The following CTNNA2 variants were observed in gnomAD, a reference collection of about 807,000 sequenced individuals.
CTNNA2 encodes catenin alpha 2.
A neutral mutation model predicts 101.0 loss-of-function variants in CTNNA2; 42 were observed. The ratio of observed to expected loss-of-function variants is 0.42; its 90% CI spans 0.32 to 0.54. The LOEUF (loss-of-function observed/expected upper bound fraction) is 0.54. Ranked by LOEUF, CTNNA2 falls within the 20% of genes least tolerant of loss-of-function variation. The pLI is 0.14. For synonymous variants in CTNNA2, 450 were observed against 456.4 expected (o/e 0.99, Z 0.18); for missense variants, 871 against 1,223.1 (o/e 0.71, Z 4.29).
At chr2:80,366,710 C>G (rs1401666469) in intron 7 of CTNNA2, among the ~76,000 whole-genome samples, 1 of 152,154 alleles carries the variant, frequency 6.6e-6, no homozygotes, top group Non-Finnish European at 1.5e-5. Flanking sequence ...TGTGTCAAAT[C>G]CCTCAGGCAT....
chr2:80,384,343 A>G (rs771779427), intron 7 of CTNNA2, among the ~76,000 whole-genome samples: 177 of 152,196 alleles, frequency 1.2e-3, no homozygotes, highest in Non-Finnish European at 2.0e-3. Flanking sequence ...GTGACACAAA[A>G]TGTGTCACAC....
intron 16 of CTNNA2, among the ~76,000 whole-genome samples, chr2:80,604,575 C>T (rs1697841476): frequency 6.6e-6 from 1 of 151,962 alleles, no homozygotes. Flanking sequence ...GAGATTCCTA[C>T]CTAATGCCCT....
chr2:80,060,130 A>G (rs1222046428), intron 7 of CTNNA2, among the ~76,000 whole-genome samples: 1 of 152,170 alleles, frequency 6.6e-6, no homozygotes, highest in Non-Finnish European at 1.5e-5. Flanking sequence ...AGCACAGTAT[A>G]TATTTGCTTC....
intron 12 of CTNNA2, 149 bp from the exon 13 acceptor site, chr2:80,574,014 A>G: frequency 1.4e-6 from 1 of 690,444 alleles, no homozygotes; most frequent in Non-Finnish European, 2.5e-6. Context: ...AAAGACTACT[A>G]AATTGGGCTC....
At chr2:80,234,206 A>AT (rs1027958424) in intron 7 of CTNNA2, among the ~76,000 whole-genome samples, 69 of 152,006 alleles carry the variant, frequency 4.5e-4, no homozygotes, top group Non-Finnish European at 8.1e-4. Context: ...TAATTTTTGT[A>AT]TTTTTAGTAG....
At chr2:80,420,567 T>G (rs1367008960) in intron 9 of CTNNA2, among the ~76,000 whole-genome samples, 1 of 151,676 alleles carries the variant, frequency 6.6e-6, no homozygotes, top group Non-Finnish European at 1.5e-5. Context: ...AATAAGTTCT[T>G]TTTTTTTTCA....
chr2:80,498,970 G>T (rs1687668608), intron 9 of CTNNA2, among the ~76,000 whole-genome samples: 1 of 152,064 alleles, frequency 6.6e-6, no homozygotes, highest in African/African-American at 2.4e-5. Flanking sequence ...TAACCCAGAT[G>T]CACTTAAAAT....
chr2:80,385,638 T>C (rs972642088), intron 7 of CTNNA2, among the ~76,000 whole-genome samples: 10 of 152,100 alleles, frequency 6.6e-5, no homozygotes, highest in Non-Finnish European at 1.2e-4. Context: ...TCCTTCTTCT[T>C]CCCTTAAATT....
intron 4 of CTNNA2, among the ~76,000 whole-genome samples, chr2:79,402,644 A>C (rs1437532820): frequency 1.3e-5 from 2 of 151,714 alleles, no homozygotes; most frequent in African/African-American, 4.8e-5. Context: ...TAGGTAACTG[A>C]AACTTCAGAG....
At chr2:79,542,571 G>C (rs1159131553) in intron 1 of CTNNA2, among the ~76,000 whole-genome samples, 2 of 152,118 alleles carry the variant, frequency 1.3e-5, no homozygotes, top group African/African-American at 4.8e-5. Context: ...CAGGTTTAAT[G>C]AGCATTCTGA....
At chr2:80,601,876 A>T (rs2149769756) in intron 15 of CTNNA2, 1 of 152,154 alleles carries the variant, frequency 6.6e-6, no homozygotes. Flanking sequence ...TAATGTATGT[A>T]GTTAAGGCTA....
intron 7 of CTNNA2, among the ~76,000 whole-genome samples, chr2:79,959,399 C>G (rs1278428845): frequency 6.6e-6 from 1 of 152,184 alleles, no homozygotes; most frequent in Non-Finnish European, 1.5e-5. Flanking sequence ...AATTTCATTA[C>G]TTATGACCAT....
chr2:79,739,204 G>T (rs1288304494), intron 2 of CTNNA2, among the ~76,000 whole-genome samples: 1 of 151,880 alleles, frequency 6.6e-6, no homozygotes, highest in Non-Finnish European at 1.5e-5. Flanking sequence ...GAGAATCCCT[G>T]GTTGGGGCAG....
At chr2:79,802,173 C>G (rs111959458) in intron 3 of CTNNA2, among the ~76,000 whole-genome samples, 1 of 152,000 alleles carries the variant, frequency 6.6e-6, no homozygotes, top group South Asian at 2.1e-4. Flanking sequence ...ACCTAAAGCA[C>G]GTAGAGGCTA....
chr2:79,993,802 G>GGT (rs1236269284), intron 7 of CTNNA2, among the ~76,000 whole-genome samples: 1 of 152,144 alleles, frequency 6.6e-6, no homozygotes, highest in Non-Finnish European at 1.5e-5. Flanking sequence ...AAGTAGGCCT[G>GGT]GTGTGATGAC....
intron 7 of CTNNA2, among the ~76,000 whole-genome samples, chr2:80,333,739 C>G (rs1419621307): frequency 6.6e-6 from 1 of 152,202 alleles, no homozygotes; most frequent in African/African-American, 2.4e-5. Flanking sequence ...ATTCTCCTGC[C>G]TCAGACTCTG....
At chr2:79,755,918 G>A (rs575269359) in intron 3 of CTNNA2, among the ~76,000 whole-genome samples, 3 of 152,250 alleles carry the variant, frequency 2.0e-5, no homozygotes, top group African/African-American at 7.2e-5. Context: ...GTGAAAATAT[G>A]ATGAAAAATG....
At chr2:79,938,712 A>AT (rs1314258448) in intron 7 of CTNNA2, among the ~76,000 whole-genome samples, 4 of 152,194 alleles carry the variant, frequency 2.6e-5, no homozygotes, top group East Asian at 1.9e-4. Flanking sequence ...GCACTTGCCA[A>AT]TTTTTTTTAA....
intron 1 of CTNNA2, among the ~76,000 whole-genome samples, chr2:79,536,686 T>TTTTTC (rs70940037): frequency 0.3 from 42,307 of 139,780 alleles, 6,715 homozygotes; most frequent in Middle Eastern, 0.4. Flanking sequence ...ATGGATTTTT[T>TTTTTC]TTTTCTTTTC....
Sources: gnomAD v4.1 joint callset for allele counts (sites outside exome capture counted in the v4.1 genomes callset) on GRCh38, gnomAD v4.1.1 for gene constraint, MANE v1.5 for transcripts, NCBI Gene and HGNC (gene_info 2026-07-23, HGNC 2026-07-21) for gene names.